UMODL1: variants seen among roughly 807,000 people sequenced by gnomAD.
UMODL1 encodes the protein uromodulin like 1.
In UMODL1, 128 loss-of-function variants were observed where a neutral mutation model predicts 136.3. The ratio of observed to expected loss-of-function variants is 0.94; its 90% CI spans 0.81 to 1.09. The LOEUF is 1.09. UMODL1 is among the 50% of genes least tolerant of loss of function. The pLI, the probability that UMODL1 is intolerant of heterozygous loss-of-function variation, is 0.00. For synonymous variants in UMODL1, 721 were observed against 720.0 expected (o/e 1.00, Z -0.02); for missense variants, 1,766 against 1,725.6 (o/e 1.02, Z -0.41).
intron 6 of UMODL1, among the ~76,000 whole-genome samples, chr21:42,091,713 G>A (rs1008068719): frequency 6.6e-6 from 1 of 152,232 alleles, no homozygotes; most frequent in African/African-American, 2.4e-5. Context: ...GGGAAGACCC[G>A]AGCTGTTGTT....
chr21:42,092,044 C>T (rs1194680500), intron 6 of UMODL1, among the ~76,000 whole-genome samples: 2 of 152,176 alleles, frequency 1.3e-5, no homozygotes, highest in African/African-American at 2.4e-5. Context: ...AGCGAGCAAG[C>T]GGTAAGCTGG....
intron 2 of UMODL1, among the ~76,000 whole-genome samples, chr21:42,082,845 A>T (rs1354498532): frequency 1.3e-5 from 2 of 152,172 alleles, no homozygotes; most frequent in African/African-American, 2.4e-5. Context: ...AGCCCTGAGC[A>T]TCAGCCTCCG....
intron 2 of UMODL1, among the ~76,000 whole-genome samples, chr21:42,082,534 C>A (rs1465034562): frequency 6.6e-6 from 1 of 152,170 alleles, no homozygotes; most frequent in Non-Finnish European, 1.5e-5. Context: ...GGGCATGGCA[C>A]CCACCGTCAG....
intron 6 of UMODL1, among the ~76,000 whole-genome samples, chr21:42,096,383 C>A (rs1045945865): frequency 7.2e-5 from 11 of 152,130 alleles, no homozygotes; most frequent in Non-Finnish European, 1.3e-4. Context: ...TTGCAGGTCC[C>A]CCATCCAGTG....
chr21:42,063,499 C>G (rs1011773293), intron 1 of UMODL1, among the ~76,000 whole-genome samples: 1 of 152,208 alleles, frequency 6.6e-6, no homozygotes, highest in African/African-American at 2.4e-5. Context: ...AGGTGAGCAG[C>G]CTTTCATGGG....
chr21:42,076,617 T>C (rs997110890), intron 2 of UMODL1, among the ~76,000 whole-genome samples: 1 of 152,106 alleles, frequency 6.6e-6, no homozygotes, highest in African/African-American at 2.4e-5. Context: ...GCCCGGGGCG[T>C]TGAGAGAGTG....
intron 1 of UMODL1, among the ~76,000 whole-genome samples, chr21:42,064,458 C>G (rs1035208437): frequency 1.2e-4 from 18 of 152,246 alleles, no homozygotes; most frequent in African/African-American, 4.3e-4. Flanking sequence ...CTCTTGGGCC[C>G]CAGCTTGCTG....
chr21:42,101,550 G>A (rs1183044604), intron 7 of UMODL1, among the ~76,000 whole-genome samples: 2 of 152,292 alleles, frequency 1.3e-5, no homozygotes, highest in African/African-American at 4.8e-5. Context: ...CTGCTCCTGT[G>A]CCCGCCGACG....
At chr21:42,067,918 AG>A (rs1202492156), upstream of UMODL1, among the ~76,000 whole-genome samples, 1 of 152,252 alleles carries the variant, frequency 6.6e-6, no homozygotes, top group Non-Finnish European at 1.5e-5. Context: ...GGCTGTGATA[AG>A]AAAGCCGAGC....
At chr21:42,064,055 G>T (rs577142329) in intron 1 of UMODL1, among the ~76,000 whole-genome samples, 1 of 152,268 alleles carries the variant, frequency 6.6e-6, no homozygotes, top group Admixed American at 6.5e-5. Flanking sequence ...TGGATGCCTT[G>T]GGGCTTGGGG....
chr21:42,078,690 A>G (rs457395), intron 2 of UMODL1, among the ~76,000 whole-genome samples: 2,241 of 70,858 alleles, frequency 0.032, 63 homozygotes, highest in African/African-American at 0.14. Flanking sequence ...ACCAACAGAA[A>G]CCAGGCGGGG....
intron 9 of UMODL1, among the ~76,000 whole-genome samples, chr21:42,106,212 CT>C (rs2055167734): frequency 6.6e-6 from 1 of 152,242 alleles, no homozygotes; most frequent in Admixed American, 6.5e-5. Context: ...GGCACCGCCC[CT>C]GCCTGGGGAG....
intron 6 of UMODL1, among the ~76,000 whole-genome samples, chr21:42,093,717 G>A: frequency 6.6e-6 from 1 of 152,084 alleles, no homozygotes; most frequent in East Asian, 1.9e-4. Flanking sequence ...TGAATCCCTG[G>A]TGCCCCGCAA....
Position 42,104,000 on chromosome 21 carries a change from A to C in UMODL1, c.1432A>C (p.Met478Leu). The C allele has an allele frequency of 6.2e-7, 1 of 1,614,002 alleles. No homozygotes were observed. The highest frequency in any genetic ancestry group is 1.1e-5 in the South Asian group (1 of 91,076). The change falls in exon 9 of 23, where the codon ATG becomes CTG. Residue 478 changes from methionine (M) to leucine (L), a missense_variant. Coordinates refer to ENST00000408910, the MANE Select transcript of UMODL1 (RefSeq NM_001004416.3). ...KLTVQDPGFP[M>L]GISTLAPILQ... ...CACCGTGCAGGACCCCGGGTTTCCC[A>C]TGGGCATCTCCACGCTGGCCCCCAT...
intron 16 of UMODL1, 69 bp downstream of exon 16, chr21:42,121,293 T>A: frequency 6.5e-7 from 1 of 1,538,748 alleles, no homozygotes; most frequent in Non-Finnish European, 8.8e-7. Context: ...GACATTCACG[T>A]GCAAAGGGCT....
In UMODL1 at chr21:42,142,867, A is replaced by G. The variant is rs1458989484; in HGVS notation, c.*793A>G. The G allele has an allele frequency of 6.6e-6, 1 of 152,234 alleles. No individual in the cohort carries two copies. The highest frequency in any genetic ancestry group is 1.5e-5 in the Non-Finnish European group (1 of 68,034). 9.4% of individuals were successfully genotyped at this position (152,234 alleles called of 1,614,324 possible). On this transcript the variant is annotated 3_prime_UTR_variant, in exon 23 of 23. Transcript: ENST00000408910. ...CGATGAGTTACTTAATTGAGGTCAC[A>G]GAATGAATTAGCAAGAAAATGGTTC...
chr21:42,076,837 C>T (rs1001412687), intron 2 of UMODL1, among the ~76,000 whole-genome samples: 1 of 152,284 alleles, frequency 6.6e-6, no homozygotes, highest in Admixed American at 6.5e-5. Flanking sequence ...CCCAAGTCCT[C>T]CCAGTTCCTC....
chr21:42,133,193 C>A (rs1456488461), intron 21 of UMODL1, among the ~76,000 whole-genome samples: 1 of 152,206 alleles, frequency 6.6e-6, no homozygotes, highest in Non-Finnish European at 1.5e-5. Flanking sequence ...TTAACAGAAA[C>A]ACTGTTGGAG....
chr21:42,104,066 C>CGGCAGGGG lies in UMODL1; in HGVS notation c.1499_1506dup (p.Thr503GlyfsTer57). On this transcript the variant is annotated frameshift_variant, in exon 9 of 23. Transcript: ENST00000408910. LOFTEE classifies it high-confidence loss of function. ...GGCAAGCACAGTGTTCCAGATTGAC[C>CGGCAGGGG]GGCAGGGGACACGCGTGCAAGGTAT... 6.2e-7 allele frequency: 1 copy of CGGCAGGGG among 1,612,476 alleles called. No homozygotes were observed. The highest frequency in any genetic ancestry group is 8.5e-7 in the Non-Finnish European group (1 of 1,179,052).
Sources: gnomAD v4.1 joint callset for allele counts (sites outside exome capture counted in the v4.1 genomes callset) on GRCh38, gnomAD v4.1.1 for gene constraint, MANE v1.5 for transcripts, NCBI Gene and HGNC (gene_info 2026-07-23, HGNC 2026-07-21) for gene names.